The following AGL variants were observed in gnomAD, a reference collection of about 807,000 sequenced individuals.
The protein encoded by AGL is amylo-alpha-1,6-glucosidase and 4-alpha-glucanotransferase.
A neutral mutation model predicts 199.3 loss-of-function variants in AGL; 128 were observed. That is an observed-to-expected ratio of 0.64 (90% CI 0.56 to 0.74). The LOEUF is 0.74. Ranked by LOEUF, AGL falls within the 30% of genes least tolerant of loss-of-function variation. The pLI is 0.00. For synonymous variants in AGL, 584 were observed against 594.7 expected (o/e 0.98, Z 0.26); for missense variants, 1,809 against 1,820.8 (o/e 0.99, Z 0.12).
intron 26 of AGL, 29 bp downstream of exon 26, chr1:99,900,890 G>GTTTTTTTTTT (rs35956186): frequency 1.5e-6 from 2 of 1,307,082 alleles, no homozygotes; most frequent in African/African-American, 1.6e-5. Flanking sequence ...ATGTTTTTTT[G>GTTTTTTTTTT]TTTTTTTTTT....
chr1:99,852,521 C>G (rs1649050523), intron 2 of AGL: 1 of 626,556 alleles, frequency 1.6e-6, no homozygotes, highest in African/African-American at 1.9e-5. Flanking sequence ...AGGCATACAT[C>G]ACTATGCCCC....
At chr1:99,912,580 T>A in intron 29 of AGL, 63 bp downstream of exon 29, 1 of 1,180,066 alleles carries the variant, frequency 8.5e-7, no homozygotes, top group Non-Finnish European at 1.3e-6. Context: ...TCAACCTATG[T>A]AATCATCATT....
intron 24 of AGL, among the ~76,000 whole-genome samples, chr1:99,894,178 C>A (rs1653126412): frequency 6.6e-6 from 1 of 150,628 alleles, no homozygotes; most frequent in African/African-American, 2.4e-5. Flanking sequence ...ACAGAGGAGA[C>A]CCTGTCTCAA....
intron 17 of AGL, among the ~76,000 whole-genome samples, chr1:99,883,338 A>G (rs1026152813): frequency 6.6e-6 from 1 of 152,124 alleles, no homozygotes; most frequent in Non-Finnish European, 1.5e-5. Flanking sequence ...TTCTATCCCT[A>G]GGTATATATC....
At chr1:99,907,693 G>GTTTTTTGTTTTTTGTT (rs1553191713) in intron 27 of AGL, among the ~76,000 whole-genome samples, 14 of 118,944 alleles carry the variant, frequency 1.2e-4, no homozygotes, top group African/African-American at 3.9e-4. Flanking sequence ...TTTGTTTTTT[G>GTTTTTTGTTTTTTGTT]TTTTTTTTGC....
At chr1:99,852,372 T>C (rs200226810) in intron 2 of AGL, among the ~76,000 whole-genome samples, 1,632 of 96,174 alleles carry the variant, frequency 0.017, 26 homozygotes, top group African/African-American at 0.067. Flanking sequence ...TTTTTTTTTT[T>C]CCTTTTCTCT....
chr1:99,878,366 TTAAA>T (rs1233912136), intron 12 of AGL, among the ~76,000 whole-genome samples: 1 of 151,888 alleles, frequency 6.6e-6, no homozygotes, highest in Non-Finnish European at 1.5e-5. Context: ...ATTAATTAAA[TTAAA>T]TAAAAAATAA....
intron 25 of AGL, among the ~76,000 whole-genome samples, chr1:99,896,765 C>G (rs529214073): frequency 6.6e-6 from 1 of 152,208 alleles, no homozygotes; most frequent in Non-Finnish European, 1.5e-5. Flanking sequence ...CTTGTAACCT[C>G]CAGTTTTATG....
intron 24 of AGL, among the ~76,000 whole-genome samples, chr1:99,893,367 A>G (rs1484086748): frequency 2.6e-5 from 4 of 152,238 alleles, no homozygotes; most frequent in Admixed American, 6.5e-5. Flanking sequence ...CCTTTCCATT[A>G]AAAATGTTCA....
chr1:99,912,811 A>T lies in AGL; in HGVS notation c.3949+294A>T, dbSNP rs6692695. ...CTGTGAGCAATTTTGCAATCTTTACATGTCTTTTTCTAGAATAGTGCTGTC... is the reference window on the plus strand; with the variant it reads ...CTGTGAGCAATTTTGCAATCTTTACTTGTCTTTTTCTAGAATAGTGCTGTC... On this transcript the variant is annotated intron_variant, in intron 29 of 33. Coordinates refer to ENST00000361915, the MANE Select transcript of AGL (RefSeq NM_000642.3). 0.39 allele frequency among the ~76,000 whole-genome samples: 59,496 copies of T among 152,094 alleles called. 12,422 individuals are homozygous for T. The highest frequency in any genetic ancestry group is 0.56 in the East Asian group (2,883 of 5,184).
rs571653280 is a variant in AGL, at chr1:99,891,658, A to G, written c.3002A>G (p.Tyr1001Cys). The G allele has an allele frequency of 6.2e-7, 1 of 1,613,560 alleles. No individual in the cohort carries two copies. Among genetic ancestry groups the G allele is most frequent in the South Asian group, 1.1e-5 (1 of 91,070 alleles). The change falls in exon 23 of 34, where the codon TAC (tyrosine) becomes TGC (cysteine). Residue 1001 changes from tyrosine to cysteine, a missense_variant. Physicochemically the swap from Tyr to Cys is radical, Grantham distance 194 (BLOSUM62 -2). Coordinates refer to ENST00000361915, the MANE Select transcript of AGL (RefSeq NM_000642.3). ...TTCTACCTGAAGCAGATCCCACGTT[A>G]CCTTATCCCATGTTACTTTGATGCT... ...MFFYLKQIPR[Y>C]LIPCYFDAIL...
upstream of AGL, among the ~76,000 whole-genome samples, chr1:99,849,351 C>T (rs532281807): frequency 7.9e-5 from 12 of 152,218 alleles, 1 homozygote; most frequent in South Asian, 2.5e-3. Context: ...TTAACCAAAT[C>T]TTCTGTCCAT....
chr1:99,891,433 C>T (rs983748888), intron 22 of AGL, 77 bp downstream of exon 22: 16 of 1,548,546 alleles, frequency 1.0e-5, no homozygotes, highest in Non-Finnish European at 1.4e-5. Context: ...ATAATATTTA[C>T]ATTGTTTTCT....
intron 26 of AGL, 90 bp downstream of exon 26, chr1:99,900,951 A>C (rs1472446669): frequency 8.5e-6 from 10 of 1,171,262 alleles, no homozygotes; most frequent in Non-Finnish European, 1.2e-5. Context: ...AGGGTAATTA[A>C]GAATCCAAAT....
At chr1:99,886,737 T>TAATACA (rs1396137507) in intron 20 of AGL, among the ~76,000 whole-genome samples, 6 of 152,326 alleles carry the variant, frequency 3.9e-5, no homozygotes, top group African/African-American at 1.4e-4. Flanking sequence ...TATTACCCCA[T>TAATACA]TTTGCTATTG....
chr1:99,900,669 G>A lies in AGL; in HGVS notation c.3396G>A (p.Arg1132=), dbSNP rs1215727446. 1.2e-6 allele frequency: 2 copies of A among 1,613,996 alleles called. No homozygotes were observed. The highest frequency in any genetic ancestry group is 2.7e-5 in the African/African-American group (2 of 74,920). ...NIILAFAGTL[R]HGLIPNLLGE... ...TTTTAGCATTTGCGGGTACCCTGAG[G>A]CATGGTCTCATTCCTAATCTACTGG... The change falls in exon 26 of 34, where the codon AGG becomes AGA. Residue 1132 remains arginine, a synonymous_variant. Coordinates refer to ENST00000361915, the MANE Select transcript of AGL (RefSeq NM_000642.3).
chr1:99,874,797 T>G lies in AGL; in HGVS notation c.1069T>G (p.Phe357Val). ...AGATATGAACATTGCACTAACGACTTTCATACCACATGAGTATGTAATGTG... is the reference window on the plus strand; with the variant it reads ...AGATATGAACATTGCACTAACGACTGTCATACCACATGAGTATGTAATGTG... ...TVDMNIALTT[F>V]IPHDKGPAAI... The change falls in exon 8 of 34, where the codon TTC (phenylalanine) becomes GTC (valine). Residue 357 changes from phenylalanine to valine, a missense_variant. By Grantham distance (50) the Phe-to-Val change is conservative. Coordinates refer to ENST00000361915, the MANE Select transcript of AGL (RefSeq NM_000642.3). The G allele has an allele frequency of 3.1e-6, 5 of 1,613,384 alleles. No individual in the cohort carries two copies. The highest frequency in any genetic ancestry group is 4.2e-6 in the Non-Finnish European group (5 of 1,179,552).
chr1:99,899,911 C>A (rs191988930), intron 25 of AGL, among the ~76,000 whole-genome samples: 1 of 151,388 alleles, frequency 6.6e-6, no homozygotes, highest in African/African-American at 2.4e-5. Flanking sequence ...TGAGCCACCA[C>A]GCCCGGCCTT....
chr1:99,916,880 C>G, intron 33 of AGL, 149 bp downstream of exon 33: 1 of 872,228 alleles, frequency 1.1e-6, no homozygotes, highest in Non-Finnish European at 1.7e-6. Flanking sequence ...ATGACAAATT[C>G]TGTTATATAA....
Sources: allele counts gnomAD v4.1 joint callset (sites outside exome capture counted in the v4.1 genomes callset), GRCh38; gene constraint gnomAD v4.1.1; transcripts MANE v1.5; gene names NCBI Gene and HGNC (gene_info 2026-07-23, HGNC 2026-07-21).